Variants in LRRC37A2 observed in about 807,000 individuals in gnomAD.
LRRC37A2 encodes the protein leucine rich repeat containing 37 member A2.
A neutral mutation model predicts 68.8 loss-of-function variants in LRRC37A2; 9 were observed. The ratio of observed to expected loss-of-function variants is 0.13; its 90% CI spans 0.08 to 0.23. The LOEUF is 0.23. Ranked by LOEUF, LRRC37A2 falls within the 10% of genes least tolerant of loss-of-function variation. The pLI is 1.00. For missense variants in LRRC37A2, 168 were observed against 950.4 expected (o/e 0.18, Z 10.82); for synonymous variants, 63 against 367.6 (o/e 0.17, Z 9.48).
the LRRC37A2 span, chr17:47,033,319 C>T: frequency 2.3e-5 from 16 of 696,926 alleles, no homozygotes; most frequent in African/African-American, 1.1e-4. Flanking sequence ...AAAGCATTTA[C>T]GTGATGCAGT....
the LRRC37A2 span, among the ~76,000 whole-genome samples, chr17:46,976,631 A>G: frequency 0.73 from 110,658 of 152,044 alleles, 41,223 homozygotes; most frequent in Non-Finnish European, 0.8. Context: ...TAGCAGACCT[A>G]TTTTATTAGA....
chr17:46,750,054 C>A, the LRRC37A2 span: 1 of 879,200 alleles, frequency 1.1e-6, no homozygotes, highest in Non-Finnish European at 1.7e-6. Flanking sequence ...ATACCTTATC[C>A]AAAATGCCTG....
chr17:47,011,139 G>A, the LRRC37A2 span, among the ~76,000 whole-genome samples: 2 of 152,150 alleles, frequency 1.3e-5, no homozygotes, highest in Non-Finnish European at 1.5e-5. Flanking sequence ...ACTTGAAGGC[G>A]ATGGATGGAA....
the LRRC37A2 span, among the ~76,000 whole-genome samples, chr17:46,743,512 A>G: frequency 2.6e-5 from 4 of 152,194 alleles, no homozygotes; most frequent in Non-Finnish European, 5.9e-5. Flanking sequence ...AAGTTAAATA[A>G]TCTACCCCAA....
the LRRC37A2 span, among the ~76,000 whole-genome samples, chr17:46,734,697 T>C: frequency 1.3e-5 from 2 of 152,224 alleles, no homozygotes; most frequent in South Asian, 4.1e-4. Context: ...ACTACATAGA[T>C]AGACAGTATT....
At chr17:46,744,116 G>A in the LRRC37A2 span, among the ~76,000 whole-genome samples, 1 of 152,240 alleles carries the variant, frequency 6.6e-6, no homozygotes, top group East Asian at 1.9e-4. Context: ...GCCATGATTA[G>A]TTTGTATTTG....
the LRRC37A2 span, among the ~76,000 whole-genome samples, chr17:46,488,769 T>C: frequency 7.5e-6 from 1 of 133,362 alleles, no homozygotes. Flanking sequence ...AATGGAAAAA[T>C]TATCTTCTAT....
chr17:46,875,449 C>T, the LRRC37A2 span: 4 of 1,455,210 alleles, frequency 2.7e-6, no homozygotes, highest in African/African-American at 5.7e-5. Flanking sequence ...GCCAGCACCC[C>T]ACTCCCCAAA....
the LRRC37A2 span, among the ~76,000 whole-genome samples, chr17:46,901,636 C>T: frequency 6.6e-6 from 1 of 152,134 alleles, no homozygotes; most frequent in Non-Finnish European, 1.5e-5. Flanking sequence ...GAAAGTTCTC[C>T]AGCCTTCTAA....
the LRRC37A2 span, among the ~76,000 whole-genome samples, chr17:46,847,063 A>G: frequency 6.6e-6 from 1 of 152,236 alleles, no homozygotes. Flanking sequence ...TTCATTATAA[A>G]TGTCAAACAT....
At chr17:46,463,786 C>A in the LRRC37A2 span, among the ~76,000 whole-genome samples, 1 of 86,108 alleles carries the variant, frequency 1.2e-5, no homozygotes, top group Admixed American at 1.1e-4. Context: ...AGAATGAGAC[C>A]CTGTCTCAAA....
At chr17:46,934,992 A>C in the LRRC37A2 span, 2 of 1,599,982 alleles carry the variant, frequency 1.3e-6, no homozygotes, top group Non-Finnish European at 1.7e-6. Context: ...ACTGACTGAT[A>C]AGCAAAGTTA....
chr17:46,919,249 G>A, the LRRC37A2 span, among the ~76,000 whole-genome samples: 9 of 152,260 alleles, frequency 5.9e-5, no homozygotes, highest in East Asian at 3.9e-4. Context: ...CCTAGAAAAC[G>A]TTCTAGTAAA....
At chr17:46,988,292 G>A in the LRRC37A2 span, among the ~76,000 whole-genome samples, 6 of 152,214 alleles carry the variant, frequency 3.9e-5, no homozygotes, top group African/African-American at 4.8e-5. Flanking sequence ...AATCCAAAGA[G>A]AGAACCAAGA....
chr17:46,906,781 G>C, the LRRC37A2 span, among the ~76,000 whole-genome samples: 2 of 152,058 alleles, frequency 1.3e-5, no homozygotes, highest in Non-Finnish European at 2.9e-5. Flanking sequence ...GTAAGCAGCA[G>C]AGCCCAGATC....
At chr17:46,819,647 G>T in the LRRC37A2 span, among the ~76,000 whole-genome samples, 1 of 152,194 alleles carries the variant, frequency 6.6e-6, no homozygotes, top group South Asian at 2.1e-4. This position sits in a 1 kb window ranked among gnomAD's most constrained non-coding sequence, Gnocchi z 5.3. Flanking sequence ...CGACCGTCCC[G>T]CCTGAGGCCC....
the LRRC37A2 span, among the ~76,000 whole-genome samples, chr17:46,834,561 G>A: frequency 6.6e-6 from 1 of 152,100 alleles, no homozygotes; most frequent in African/African-American, 2.4e-5. Context: ...TCTCAAGAAC[G>A]GTCAACTCTA....
the LRRC37A2 span, among the ~76,000 whole-genome samples, chr17:47,022,168 C>CTTTT: frequency 0.17 from 3,274 of 19,674 alleles, 985 homozygotes; most frequent in Non-Finnish European, 0.34. Context: ...TTTTTGTTCT[C>CTTTT]TTTTTTTTTT....
the LRRC37A2 span, among the ~76,000 whole-genome samples, chr17:46,822,577 G>T: frequency 7.9e-5 from 12 of 152,228 alleles, no homozygotes; most frequent in African/African-American, 2.9e-4. Flanking sequence ...GTCCCACTCC[G>T]CTCCCTGCGG....
Sources: gnomAD v4.1 joint callset for allele counts (sites outside exome capture counted in the v4.1 genomes callset) on GRCh38, gnomAD v4.1.1 for gene constraint, Gnocchi (gnomAD v3.1) non-coding constraint, MANE v1.5 for transcripts, NCBI Gene and HGNC (gene_info 2026-07-23, HGNC 2026-07-21) for gene names.